The following LDB2 variants were observed in gnomAD, a reference collection of about 807,000 sequenced individuals.
LDB2 encodes LIM domain-binding protein 2.
Under a neutral mutation model 44.3 loss-of-function variants are expected in LDB2, and 12 were observed. The ratio of observed to expected loss-of-function variants is 0.27; its 90% CI spans 0.17 to 0.44. The LOEUF is 0.44. Among genes scored for constraint, LDB2 ranks in the 20% least tolerant of loss-of-function variants. LDB2 has a pLI of 1.00. For missense variants in LDB2, 344 were observed against 473.5 expected, an observed-to-expected ratio of 0.73 and a Z score of 2.54; for synonymous variants, 164 against 174.8, an observed-to-expected ratio of 0.94 and a Z score of 0.49.
chr4:16,588,863 T>C (rs1448997648), intron 3 of LDB2, 31 bp from the exon 4 acceptor site: 2 of 1,607,226 alleles, frequency 1.2e-6, no homozygotes, highest in South Asian at 2.2e-5. Context: ...AGTCATTCAT[T>C]ACGCACTTTG....
intron 1 of LDB2, among the ~76,000 whole-genome samples, chr4:16,895,314 C>T (rs565802729): frequency 5.2e-4 from 79 of 152,034 alleles, no homozygotes; most frequent in Middle Eastern, 3.4e-3. Flanking sequence ...GGAAGAAATG[C>T]ATGGATCCCC....
At chr4:16,831,214 T>A (rs1784033087) in intron 1 of LDB2, among the ~76,000 whole-genome samples, 2 of 142,890 alleles carry the variant, frequency 1.4e-5, no homozygotes. Context: ...GCAAATATCA[T>A]AAGGGAAGAC....
intron 1 of LDB2, among the ~76,000 whole-genome samples, chr4:16,767,008 G>C (rs188677111): frequency 2.0e-5 from 3 of 152,292 alleles, no homozygotes; most frequent in African/African-American, 7.2e-5. Flanking sequence ...TCAGGCACAT[G>C]CCTAAAGTGG....
intron 1 of LDB2, among the ~76,000 whole-genome samples, chr4:16,797,439 G>A (rs959908982): frequency 6.6e-6 from 1 of 152,102 alleles, no homozygotes; most frequent in Admixed American, 6.6e-5. Flanking sequence ...TACCGTCATT[G>A]CAATTCTTAT....
intron 1 of LDB2, among the ~76,000 whole-genome samples, chr4:16,761,703 A>G (rs2109238838): frequency 6.6e-6 from 1 of 152,342 alleles, no homozygotes; most frequent in East Asian, 1.9e-4. Flanking sequence ...GTGCAGATCA[A>G]TAAAATCTTC....
chr4:16,701,312 C>A (rs529984210), intron 2 of LDB2, among the ~76,000 whole-genome samples: 1 of 152,166 alleles, frequency 6.6e-6, no homozygotes, highest in Non-Finnish European at 1.5e-5. Flanking sequence ...CCTCAACACC[C>A]ATTTTGCTCC....
At chr4:16,838,358 C>T (rs540311086) in intron 1 of LDB2, among the ~76,000 whole-genome samples, 11 of 152,278 alleles carry the variant, frequency 7.2e-5, no homozygotes, top group African/African-American at 2.2e-4. Context: ...TCAAATCCCT[C>T]GGCATGTGAC....
chr4:16,703,075 C>A (rs923268660), intron 2 of LDB2, among the ~76,000 whole-genome samples: 1 of 152,110 alleles, frequency 6.6e-6, no homozygotes, highest in Non-Finnish European at 1.5e-5. Flanking sequence ...TTCTGTGTGC[C>A]AATCCTCGCT....
At chr4:16,757,119 A>T (rs1766824395) in intron 2 of LDB2, among the ~76,000 whole-genome samples, 1 of 152,174 alleles carries the variant, frequency 6.6e-6, no homozygotes, top group South Asian at 2.1e-4. Flanking sequence ...CTGGACCTCG[A>T]ACGGGTTAAG....
intron 1 of LDB2, among the ~76,000 whole-genome samples, chr4:16,893,393 T>C (rs779562679): frequency 2.0e-5 from 3 of 152,164 alleles, no homozygotes; most frequent in Non-Finnish European, 4.4e-5. Flanking sequence ...TTTAACTAGA[T>C]TCCATCTGAA....
intron 3 of LDB2, among the ~76,000 whole-genome samples, chr4:16,593,089 A>C (rs1719679482): frequency 6.6e-6 from 1 of 152,196 alleles, no homozygotes. Context: ...GATACTCCTG[A>C]GGAATAGTTA....
At chr4:16,802,352 T>C (rs1454675762) in intron 1 of LDB2, among the ~76,000 whole-genome samples, 1 of 152,228 alleles carries the variant, frequency 6.6e-6, no homozygotes, top group Non-Finnish European at 1.5e-5. Flanking sequence ...GAACAAAATC[T>C]GCCAGCAAAA....
At chr4:16,707,147 A>T (rs1010031200) in intron 2 of LDB2, among the ~76,000 whole-genome samples, 2 of 152,208 alleles carry the variant, frequency 1.3e-5, no homozygotes, top group Admixed American at 1.3e-4. Flanking sequence ...CTTAAAAAAA[A>T]TTGATGAAAT....
At chr4:16,609,352 G>GGC (rs1553923634) in intron 2 of LDB2, among the ~76,000 whole-genome samples, 1 of 23,314 alleles carries the variant, frequency 4.3e-5, no homozygotes, top group African/African-American at 6.7e-4. Flanking sequence ...GGGAGGGGGC[G>GGC]GGGGGGGGAG....
At chr4:16,550,519 T>G (rs1233924652) in intron 5 of LDB2, among the ~76,000 whole-genome samples, 2 of 152,216 alleles carry the variant, frequency 1.3e-5, no homozygotes, top group African/African-American at 4.8e-5. Context: ...CATTTTCCCT[T>G]ATTACATTGG....
At position 16,832,109 on chromosome 4, in the gene LDB2, T is replaced by C. The variant is rs1580073381; in HGVS notation, c.132+66245A>G. ...GGTATTCTGTTACAGCTGAACATAG[T>C]CCCAACTGAATCAAAAGAAAATAAA... is the stretch of plus-strand genomic sequence containing the variant. On this transcript the variant is annotated intron_variant, in intron 1 of 7. Transcript: ENST00000304523. Among the ~76,000 whole-genome samples the C allele has an allele frequency of 2.0e-5, 3 of 152,334 alleles. No individual in the cohort carries two copies. In the Middle Eastern group the frequency reaches 0.01, roughly 518 times the overall value.
intron 1 of LDB2, among the ~76,000 whole-genome samples, chr4:16,894,386 G>T (rs1183346452): frequency 1.3e-5 from 2 of 152,066 alleles, no homozygotes; most frequent in African/African-American, 2.4e-5. Flanking sequence ...GGTGGGAAGA[G>T]CACCCACACA....
intron 1 of LDB2, among the ~76,000 whole-genome samples, chr4:16,842,853 C>T (rs1786147196): frequency 6.6e-6 from 1 of 152,150 alleles, no homozygotes; most frequent in African/African-American, 2.4e-5. Flanking sequence ...CTCATTGCCC[C>T]ATTTTCCTGA....
At position 16,534,376 on chromosome 4, in the gene LDB2, A is replaced by G. The variant is rs77485243; in HGVS notation, c.616-22272T>C. The stretch of plus-strand genomic sequence containing the variant: ...GTTTTAGAAACGAACTTTTACCCCA[A>G]TGGGACTTGCCTCATAATTTCCATT... On this transcript the variant is annotated intron_variant, in intron 5 of 7. Transcript: ENST00000304523. Among the ~76,000 whole-genome samples, 1,400 of 152,292 alleles carry G rather than the reference A, an allele frequency of 9.2e-3. 18 individuals are homozygous for G. Among genetic ancestry groups the G allele is most frequent in the African/African-American group, 0.032 (1,319 of 41,548 alleles).
Sources: allele counts gnomAD v4.1 joint callset (sites outside exome capture counted in the v4.1 genomes callset), GRCh38; gene constraint gnomAD v4.1.1; transcripts MANE v1.5; gene names NCBI Gene and HGNC (gene_info 2026-07-23, HGNC 2026-07-21).